Variants in CTBP2 observed in about 807,000 individuals in gnomAD.
The protein encoded by CTBP2 is C-terminal binding protein 2, also known as C-terminal-binding protein 2.
Under a neutral mutation model 80.3 loss-of-function variants are expected in CTBP2, and 30 were observed. The observed-to-expected ratio is 0.37, with a 90% CI of 0.28 to 0.51. The LOEUF (loss-of-function observed/expected upper bound fraction) is 0.51. Among genes scored for constraint, CTBP2 ranks in the 20% least tolerant of loss-of-function variants. The probability of loss-of-function intolerance (pLI) is 0.93; values close to 1 mark genes in which losing one functional copy is unlikely to be tolerated. For synonymous variants in CTBP2, 594 were observed against 587.4 expected (o/e 1.01, Z -0.16); for missense variants, 1,212 against 1,375.3 (o/e 0.88, Z 1.88).
At chr10:125,005,920 G>A (rs1236386708) in intron 1 of CTBP2, 16 of 1,507,184 alleles carry the variant, frequency 1.1e-5, no homozygotes, top group South Asian at 6.7e-5. Context: ...CAAGCTGTTC[G>A]TTAAATGGTA....
intron 1 of CTBP2, among the ~76,000 whole-genome samples, chr10:125,011,329 C>T (rs1456485631): frequency 6.6e-6 from 1 of 152,228 alleles, no homozygotes; most frequent in African/African-American, 2.4e-5. Context: ...GAATGAGTCA[C>T]GATGTGACAC....
At chr10:125,021,219 T>C (rs1957007477) in intron 1 of CTBP2, among the ~76,000 whole-genome samples, 1 of 152,116 alleles carries the variant, frequency 6.6e-6, no homozygotes, top group African/African-American at 2.4e-5. Context: ...GCCAGGCAGC[T>C]CCAACCTCAA....
intron 1 of CTBP2, among the ~76,000 whole-genome samples, chr10:125,146,528 C>A (rs1160931724): frequency 1.3e-5 from 2 of 152,216 alleles, no homozygotes; most frequent in Admixed American, 1.3e-4. Context: ...GGTGATCCAC[C>A]TGCCTCAGCC....
At chr10:125,033,787 C>CA (rs1403335930) in intron 3 of CTBP2, among the ~76,000 whole-genome samples, 1 of 152,048 alleles carries the variant, frequency 6.6e-6, no homozygotes, top group Non-Finnish European at 1.5e-5. Flanking sequence ...ACCAAGAGGA[C>CA]AGGCACTGAG....
At chr10:125,108,150 A>G (rs1851735722) in intron 2 of CTBP2, among the ~76,000 whole-genome samples, 2 of 152,278 alleles carry the variant, frequency 1.3e-5, no homozygotes, top group Admixed American at 6.5e-5. Context: ...TAGTAAAAGC[A>G]GAACATGCAT....
At chr10:125,094,034 G>T (rs139293591) in intron 2 of CTBP2, among the ~76,000 whole-genome samples, 1 of 152,322 alleles carries the variant, frequency 6.6e-6, no homozygotes, top group South Asian at 2.1e-4. Flanking sequence ...GAGGAGAAAC[G>T]CAATATAATG....
intron 1 of CTBP2, among the ~76,000 whole-genome samples, chr10:125,149,421 T>C (rs1250397321): frequency 1.3e-5 from 2 of 152,112 alleles, no homozygotes; most frequent in East Asian, 3.9e-4. Flanking sequence ...TAAAATGGGC[T>C]GACTCTATTC....
intron 1 of CTBP2, among the ~76,000 whole-genome samples, chr10:125,139,812 G>C (rs564385609): frequency 4.3e-4 from 65 of 152,314 alleles, no homozygotes; most frequent in South Asian, 1.9e-3. Context: ...TGGCTGCCTA[G>C]AACTGCGACC....
chr10:125,018,213 G>T (rs1400937206), intron 1 of CTBP2, among the ~76,000 whole-genome samples: 1 of 152,154 alleles, frequency 6.6e-6, no homozygotes, highest in African/African-American at 2.4e-5. Flanking sequence ...TTTCAGATGG[G>T]GGATCATCCT....
chr10:125,152,169 GGA>G (rs1860087170), intron 1 of CTBP2, among the ~76,000 whole-genome samples: 2 of 152,134 alleles, frequency 1.3e-5, no homozygotes, highest in Non-Finnish European at 2.9e-5. Context: ...CCCGCCGGGA[GGA>G]GAGGGGCGAA....
chr10:125,049,651 G>A (rs943305677), intron 2 of CTBP2, among the ~76,000 whole-genome samples: 1 of 152,200 alleles, frequency 6.6e-6, no homozygotes, highest in Non-Finnish European at 1.5e-5. Context: ...CGCAGGCATG[G>A]TCGAAGATGG....
At chr10:125,078,428 TTATCA>T (rs1846631318) in intron 2 of CTBP2, among the ~76,000 whole-genome samples, 1 of 152,314 alleles carries the variant, frequency 6.6e-6, no homozygotes, top group South Asian at 2.1e-4. Context: ...AAACAAGGTC[TTATCA>T]ATTATTATTG....
chr10:125,112,989 C>G (rs894893649), intron 1 of CTBP2, among the ~76,000 whole-genome samples: 5 of 152,204 alleles, frequency 3.3e-5, no homozygotes, highest in African/African-American at 4.8e-5. Flanking sequence ...TGCTCCACAC[C>G]TAGAACCAAG....
In CTBP2 at chr10:125,012,713, C is replaced by T. The variant is rs574189903; in HGVS notation, c.1679-9221G>A. Reference sequence around the variant, plus strand: ...GGAGTGCAGTGGCGCGATCTCGGCTCACTGCAACCTCCGCCTCCTGGGCTC... The same window carrying T: ...GGAGTGCAGTGGCGCGATCTCGGCTTACTGCAACCTCCGCCTCCTGGGCTC... On this transcript the variant is annotated intron_variant, in intron 1 of 8. Coordinates refer to ENST00000309035, the MANE Select transcript of CTBP2 (RefSeq NM_022802.3). Among the ~76,000 whole-genome samples the T allele has an allele frequency of 6.6e-5, 10 of 152,278 alleles. No individual in the cohort carries two copies. In the East Asian group the frequency reaches 1.9e-3, roughly 29 times the overall value.
intron 1 of CTBP2, among the ~76,000 whole-genome samples, chr10:125,148,784 A>C (rs1025602968): frequency 6.6e-6 from 1 of 152,266 alleles, no homozygotes; most frequent in African/African-American, 2.4e-5. Flanking sequence ...TGAGGAAGAC[A>C]TCACTGCAGA....
upstream of CTBP2, among the ~76,000 whole-genome samples, chr10:125,029,224 ATTTTTTTTTTTTGAGACACAGTTT>A (rs980070998): frequency 4.2e-5 from 6 of 143,850 alleles, no homozygotes; most frequent in Non-Finnish European, 9.2e-5. Context: ...CAGTCTTTAA[ATTTTTTTTTTTTGAGACACAGTTT>A]TTTTTTTTTT....
At chr10:125,081,330 T>C (rs776765548) in intron 2 of CTBP2, among the ~76,000 whole-genome samples, 1 of 152,238 alleles carries the variant, frequency 6.6e-6, no homozygotes, top group Non-Finnish European at 1.5e-5. Flanking sequence ...AAGGATCTTA[T>C]TGGGACTACT....
rs183758778 is a variant in CTBP2, at chr10:125,066,115, C to G, written c.-101-26960G>C. 6.6e-6 allele frequency among the ~76,000 whole-genome samples: 1 copy of G among 151,936 alleles called. No individual in the cohort carries two copies. Among genetic ancestry groups the G allele is most frequent in the African/African-American group, 2.4e-5 (1 of 41,462 alleles). On this transcript the variant is annotated intron_variant, in intron 2 of 10. Coordinates refer to the CTBP2 transcript ENST00000337195. This position sits in a 1 kb window ranked among gnomAD's most constrained non-coding sequence, Gnocchi z 4.1. ...TCATCTTCTTGATGGTGAACTCCCT[C>G]TAATGCTCAGGCTGATGTCCTAACA...
chr10:125,141,329 T>G (rs1317953227), intron 1 of CTBP2, among the ~76,000 whole-genome samples: 1 of 152,106 alleles, frequency 6.6e-6, no homozygotes, highest in African/African-American at 2.4e-5. Flanking sequence ...AGCGTCCTAT[T>G]TGACGCATAA....
Sources: allele counts gnomAD v4.1 joint callset (sites outside exome capture counted in the v4.1 genomes callset), GRCh38; gene constraint gnomAD v4.1.1; non-coding constraint Gnocchi (gnomAD v3.1); transcripts MANE v1.5; gene names NCBI Gene and HGNC (gene_info 2026-07-23, HGNC 2026-07-21).